ZNF385D: variants seen among roughly 807,000 people sequenced by gnomAD.
ZNF385D encodes the protein zinc finger protein 659.
A neutral mutation model predicts 35.8 loss-of-function variants in ZNF385D; 15 were observed. The ratio of observed to expected loss-of-function variants is 0.42; its 90% CI spans 0.28 to 0.64. ZNF385D has a LOEUF of 0.64. Ranked by LOEUF, ZNF385D falls within the 30% of genes least tolerant of loss-of-function variation. The pLI, the probability that ZNF385D is intolerant of heterozygous loss-of-function variation, is 0.23. For missense variants in ZNF385D, 474 were observed against 494.6 expected (o/e 0.96, Z 0.39); for synonymous variants, 212 against 186.8 (o/e 1.13, Z -1.10).
At chr3:21,823,144 T>C (rs1233483765) in intron 3 of ZNF385D, among the ~76,000 whole-genome samples, 2 of 152,150 alleles carry the variant, frequency 1.3e-5, no homozygotes, top group African/African-American at 2.4e-5. Flanking sequence ...TGTGTACATA[T>C]ATGTTTATTG....
chr3:21,728,354 A>G (rs774395088), intron 1 of ZNF385D, among the ~76,000 whole-genome samples: 79 of 151,962 alleles, frequency 5.2e-4, no homozygotes, highest in Non-Finnish European at 1.1e-3. Flanking sequence ...ATATGGTGGC[A>G]TTTTATCTAC....
intron 2 of ZNF385D, among the ~76,000 whole-genome samples, chr3:22,363,085 G>C (rs568015781): frequency 6.6e-6 from 1 of 152,018 alleles, no homozygotes; most frequent in Non-Finnish European, 1.5e-5. Context: ...TTCCTCTTCG[G>C]AGAACCCAAG....
chr3:21,854,366 A>G (rs1206798714), intron 3 of ZNF385D, among the ~76,000 whole-genome samples: 2 of 151,942 alleles, frequency 1.3e-5, no homozygotes, highest in East Asian at 1.9e-4. Context: ...AACGGAGCTC[A>G]TATGCCACTT....
intron 4 of ZNF385D, among the ~76,000 whole-genome samples, chr3:21,463,964 T>A (rs976758102): frequency 6.6e-6 from 1 of 152,056 alleles, no homozygotes; most frequent in Non-Finnish European, 1.5e-5. Flanking sequence ...GGAGGCTGTA[T>A]CACACATATA....
At chr3:22,354,958 C>A (rs774236026) in intron 2 of ZNF385D, among the ~76,000 whole-genome samples, 2 of 152,036 alleles carry the variant, frequency 1.3e-5, no homozygotes, top group East Asian at 3.9e-4. Flanking sequence ...AAGAACATCA[C>A]CCTCACTGCA....
At chr3:22,329,502 CTTTAT>C (rs1694836922) in intron 2 of ZNF385D, among the ~76,000 whole-genome samples, 1 of 152,072 alleles carries the variant, frequency 6.6e-6, no homozygotes, top group Non-Finnish European at 1.5e-5. Flanking sequence ...GCTTTACTTA[CTTTAT>C]TTATCTTAAA....
intron 4 of ZNF385D, among the ~76,000 whole-genome samples, chr3:21,505,043 T>C (rs951181842): frequency 6.6e-6 from 1 of 152,054 alleles, no homozygotes; most frequent in Non-Finnish European, 1.5e-5. Context: ...ATTCCAGGAA[T>C]GGGAGGGAAG....
intron 3 of ZNF385D, among the ~76,000 whole-genome samples, chr3:21,852,169 A>G (rs190743157): frequency 2.0e-4 from 30 of 152,162 alleles, no homozygotes; most frequent in African/African-American, 7.0e-4. Flanking sequence ...GTTGTTAAAC[A>G]ATTAAAAATT....
intron 5 of ZNF385D, among the ~76,000 whole-genome samples, chr3:21,435,602 G>T (rs747094476): frequency 6.6e-6 from 1 of 152,126 alleles, no homozygotes; most frequent in Non-Finnish European, 1.5e-5. Flanking sequence ...AGGACATGGT[G>T]TGTTTATCTG....
intron 3 of ZNF385D, among the ~76,000 whole-genome samples, chr3:21,996,183 G>T (rs370451032): frequency 5.9e-5 from 9 of 152,130 alleles, no homozygotes; most frequent in East Asian, 3.9e-4. Context: ...CCAGAATAAT[G>T]CCATCATGTG....
chr3:21,717,384 G>A (rs964333869), intron 1 of ZNF385D, among the ~76,000 whole-genome samples: 4 of 152,162 alleles, frequency 2.6e-5, no homozygotes, highest in Non-Finnish European at 5.9e-5. Flanking sequence ...TATTTGGAAC[G>A]CACATGGGGT....
At chr3:21,538,320 CCCTT>C (rs1312855325) in intron 3 of ZNF385D, among the ~76,000 whole-genome samples, 1 of 152,028 alleles carries the variant, frequency 6.6e-6, no homozygotes, top group Non-Finnish European at 1.5e-5. Flanking sequence ...ATAACTTACT[CCCTT>C]CCCTCCATTT....
At chr3:22,180,285 C>T (rs1695148477) in intron 2 of ZNF385D, among the ~76,000 whole-genome samples, 1 of 152,112 alleles carries the variant, frequency 6.6e-6, no homozygotes, top group Admixed American at 6.6e-5. Flanking sequence ...GAAATTGAGG[C>T]AATAATTAAT....
Position 21,609,053 on chromosome 3 carries a change from G to A in ZNF385D, c.166-44369C>T, listed in dbSNP as rs985981162. 1.3e-5 allele frequency among the ~76,000 whole-genome samples: 2 copies of A among 152,294 alleles called. 1 individual carries two copies. Among genetic ancestry groups the A allele is most frequent in the South Asian group, 4.1e-4 (2 of 4,830 alleles). ...ATGTAACTATCAAGCACTTTCATGA[G>A]GAGTTACCTGGGAGTTGTTTTCCCA... On this transcript the variant is annotated intron_variant, in intron 2 of 7. Coordinates refer to ENST00000281523, the MANE Select transcript of ZNF385D (RefSeq NM_024697.3).
At chr3:21,549,649 T>C (rs576178048) in intron 3 of ZNF385D, among the ~76,000 whole-genome samples, 1 of 152,284 alleles carries the variant, frequency 6.6e-6, no homozygotes, top group East Asian at 1.9e-4. Flanking sequence ...ACTCATCAGG[T>C]TCTCAGATGT....
intron 3 of ZNF385D, among the ~76,000 whole-genome samples, chr3:22,094,146 C>T (rs887196154): frequency 9.9e-5 from 15 of 151,612 alleles, no homozygotes; most frequent in Non-Finnish European, 1.6e-4. Context: ...TAATGTCTTC[C>T]GGCATCAAAT....
At chr3:21,627,922 TAA>T (rs2065179218) in intron 2 of ZNF385D, among the ~76,000 whole-genome samples, 1 of 152,162 alleles carries the variant, frequency 6.6e-6, no homozygotes. Context: ...GAGTTTATCT[TAA>T]ATTTTGTTGT....
At chr3:21,766,794 A>G (rs1286216735) in intron 3 of ZNF385D, among the ~76,000 whole-genome samples, 3 of 152,054 alleles carry the variant, frequency 2.0e-5, no homozygotes, top group Non-Finnish European at 4.4e-5. Flanking sequence ...AGTAGTGGAG[A>G]TCCTTGAAGT....
chr3:22,252,399 A>G (rs1338941543), intron 2 of ZNF385D, among the ~76,000 whole-genome samples: 1 of 152,094 alleles, frequency 6.6e-6, no homozygotes, highest in African/African-American at 2.4e-5. Context: ...GATACTTAAG[A>G]TGCAGATCTT....
Sources: allele counts gnomAD v4.1 joint callset (sites outside exome capture counted in the v4.1 genomes callset), GRCh38; gene constraint gnomAD v4.1.1; transcripts MANE v1.5; gene names NCBI Gene and HGNC (gene_info 2026-07-23, HGNC 2026-07-21).